Variants in ADAM10 observed in about 807,000 individuals in gnomAD.
ADAM10 encodes disintegrin and metalloproteinase domain-containing protein 10.
A neutral mutation model predicts 90.1 loss-of-function variants in ADAM10; 17 were observed. That is an observed-to-expected ratio of 0.19 (90% CI 0.13 to 0.28). ADAM10 has a LOEUF of 0.28. ADAM10 is among the 10% of genes least tolerant of loss of function. The probability of loss-of-function intolerance (pLI) is 1.00; values close to 1 mark genes in which losing one functional copy is unlikely to be tolerated. For synonymous variants in ADAM10, 310 were observed against 298.6 expected (o/e 1.04, Z -0.40); for missense variants, 610 against 914.3 (o/e 0.67, Z 4.29).
chr15:58,660,103 A>G (rs940592860), intron 5 of ADAM10, among the ~76,000 whole-genome samples: 1 of 152,176 alleles, frequency 6.6e-6, no homozygotes, highest in Non-Finnish European at 1.5e-5. Context: ...CCATAAATTA[A>G]TTCATAGCAT....
chr15:58,687,203 T>C (rs1439491114), intron 2 of ADAM10, among the ~76,000 whole-genome samples: 1 of 152,222 alleles, frequency 6.6e-6, no homozygotes, highest in Non-Finnish European at 1.5e-5. Flanking sequence ...ACACTAATTA[T>C]GGGAGCAGAT....
At chr15:58,621,171 G>C (rs1465813795) in intron 11 of ADAM10, among the ~76,000 whole-genome samples, 1 of 149,422 alleles carries the variant, frequency 6.7e-6, no homozygotes, top group Non-Finnish European at 1.5e-5. Flanking sequence ...GCTGAGGTGG[G>C]AGGATCAATT....
At chr15:58,686,750 T>A (rs149582211) in intron 2 of ADAM10, 117 of 577,150 alleles carry the variant, frequency 2.0e-4, no homozygotes, top group African/African-American at 2.0e-3. Flanking sequence ...CCCCGTCCTA[T>A]AGCCAAAATC....
intron 1 of ADAM10, among the ~76,000 whole-genome samples, chr15:58,726,410 C>A (rs1324152800): frequency 6.6e-6 from 1 of 151,118 alleles, no homozygotes; most frequent in East Asian, 1.9e-4. Flanking sequence ...ACTAAAAATA[C>A]AAAAATTAAT....
chr15:58,717,689 A>G lies in ADAM10; in HGVS notation c.94T>C (p.Tyr32His). 1 of 1,613,580 alleles carries G rather than the reference A, an allele frequency of 6.2e-7. No individual in the cohort carries two copies. The highest frequency in any genetic ancestry group is 8.5e-7 in the Non-Finnish European group (1 of 1,179,820). The change falls in exon 2 of 16, where the codon TAT (tyrosine) becomes CAT (histidine). Residue 32 changes from tyrosine (Y) to histidine (H), a missense_variant. By Grantham distance (83) the Tyr-to-His change is moderately conservative. Around this residue, in one of 4 missense-constraint regions of ADAM10, gnomAD observed 310 missense variants for 362.4 expected, o/e 0.86. Transcript: ENST00000260408. ...TCCACATTGTAAGATAATCCTTCATAATGTCTGATATATTTATTTAAAGGA... is the reference window on the plus strand; with the variant it reads ...TCCACATTGTAAGATAATCCTTCATGATGTCTGATATATTTATTTAAAGGA... Reference protein sequence around the residue: ...GNPLNKYIRHYEGLSYNVDSL... With the variant: ...GNPLNKYIRHHEGLSYNVDSL...
At chr15:58,609,578 G>A (rs1414510528) in intron 14 of ADAM10, 2 of 153,012 alleles carry the variant, frequency 1.3e-5, no homozygotes, top group African/African-American at 4.9e-5. Flanking sequence ...TGAGTTATAA[G>A]TCAATTTCCA....
At chr15:58,682,546 A>C (rs953702164) in intron 2 of ADAM10, among the ~76,000 whole-genome samples, 1 of 152,166 alleles carries the variant, frequency 6.6e-6, no homozygotes, top group Non-Finnish European at 1.5e-5. Flanking sequence ...TAGGATGTTA[A>C]AAATAAATGC....
At chr15:58,720,185 G>A (rs923822032) in intron 1 of ADAM10, among the ~76,000 whole-genome samples, 3 of 152,054 alleles carry the variant, frequency 2.0e-5, no homozygotes, top group Non-Finnish European at 4.4e-5. Flanking sequence ...AAATGCTTAC[G>A]AGCACAAAGA....
intron 8 of ADAM10, among the ~76,000 whole-genome samples, chr15:58,639,067 T>C (rs1287867279): frequency 2.7e-5 from 4 of 149,520 alleles, no homozygotes; most frequent in African/African-American, 9.7e-5. Context: ...TAACTGAAAA[T>C]GCAAAATGGC....
chr15:58,681,672 G>T (rs1897446010), intron 3 of ADAM10, among the ~76,000 whole-genome samples: 1 of 152,192 alleles, frequency 6.6e-6, no homozygotes, highest in African/African-American at 2.4e-5. Context: ...TGGGTTAAGT[G>T]TGCCACTGAT....
At chr15:58,713,994 C>A (rs144232550) in intron 2 of ADAM10, among the ~76,000 whole-genome samples, 1 of 151,916 alleles carries the variant, frequency 6.6e-6, no homozygotes, top group African/African-American at 2.4e-5. Flanking sequence ...TTAGTAGAGA[C>A]GGGGTTACAC....
At chr15:58,743,407 AT>A (rs1160447944) in intron 1 of ADAM10, among the ~76,000 whole-genome samples, 1 of 152,120 alleles carries the variant, frequency 6.6e-6, no homozygotes, top group Admixed American at 6.6e-5. Context: ...TTCCAAAACA[AT>A]GCCCCAACTT....
chr15:58,708,651 T>C (rs560230209), intron 2 of ADAM10, among the ~76,000 whole-genome samples: 2 of 152,194 alleles, frequency 1.3e-5, no homozygotes, highest in East Asian at 3.9e-4. Flanking sequence ...CCTAAATAAA[T>C]AATAAAATAC....
rs1415845811 is a variant in ADAM10 at position 58,679,170 on chromosome 15, G to C, written c.438C>G (p.Asp146Glu). The C allele has an allele frequency of 3.7e-6, 6 of 1,613,928 alleles. No individual in the cohort carries two copies. The highest frequency in any genetic ancestry group is 2.2e-5 in the South Asian group (2 of 91,068). ...YVEPAERYIK[D>E]RTLPFHSVIY... Reference sequence around the variant, plus strand: ...TGACAGAGTGAAATGGCAGAGTTCGGTCTTTAATATATCTCTCTGCTGGCT... The same window carrying C: ...TGACAGAGTGAAATGGCAGAGTTCGCTCTTTAATATATCTCTCTGCTGGCT... The change falls in exon 4 of 16, where the codon GAC (aspartate) becomes GAG (glutamate). Residue 146 changes from aspartate to glutamate, a missense_variant. Asp to Glu is a conservative substitution (Grantham distance 45, BLOSUM62 2). Around this residue, in one of 4 missense-constraint regions of ADAM10, gnomAD observed 310 missense variants for 362.4 expected, o/e 0.86. Transcript: ENST00000260408.
chr15:58,623,451 A>G (rs781044199), intron 10 of ADAM10, among the ~76,000 whole-genome samples: 8 of 152,168 alleles, frequency 5.3e-5, no homozygotes, highest in Non-Finnish European at 8.8e-5. Flanking sequence ...ACTATTTTTT[A>G]AAATCTTGGA....
chr15:58,691,676 C>CTTCTTTTTTTTTTTTTTTTT (rs746349800), intron 2 of ADAM10: 8 of 196,358 alleles, frequency 4.1e-5, no homozygotes, highest in African/African-American at 3.2e-4. Context: ...ACTTCTTCTT[C>CTTCTTTTTTTTTTTTTTTTT]TTTTTTTTTT....
chr15:58,678,438 T>A (rs1332811120), intron 4 of ADAM10, among the ~76,000 whole-genome samples: 1 of 152,162 alleles, frequency 6.6e-6, no homozygotes, highest in African/African-American at 2.4e-5. Flanking sequence ...CTAATTACAG[T>A]CAAAAAATAA....
chr15:58,678,762 TGTAAGTA>T lies in ADAM10; in HGVS notation c.484+355_484+361del, dbSNP rs1264759402. ...ACACAAATATCCACACTGAAATTTA[TGTAAGTA>T]GTAATGATGCTCTTCTACCTTCAAT... On this transcript the variant is annotated intron_variant, in intron 4 of 15. Coordinates refer to ENST00000260408, the MANE Select transcript of ADAM10 (RefSeq NM_001110.4). Among the ~76,000 whole-genome samples the T allele has an allele frequency of 2.0e-5, 3 of 152,196 alleles. No homozygotes were observed. The East Asian group carries it at 5.8e-4, about 29-fold the overall frequency.
At chr15:58,731,122 A>ATC (rs1177979670) in intron 1 of ADAM10, among the ~76,000 whole-genome samples, 1 of 152,180 alleles carries the variant, frequency 6.6e-6, no homozygotes, top group Non-Finnish European at 1.5e-5. Flanking sequence ...CCTCACTGAT[A>ATC]GAGTCAGTCC....
Sources: gnomAD v4.1 joint callset for allele counts (sites outside exome capture counted in the v4.1 genomes callset) on GRCh38, gnomAD v4.1.1 for gene constraint, gnomAD v4.1.1 regional missense constraint, MANE v1.5 for transcripts, NCBI Gene and HGNC (gene_info 2026-07-23, HGNC 2026-07-21) for gene names.